MTUS2: variants seen among roughly 807,000 people sequenced by gnomAD.
MTUS2 encodes the protein microtubule associated scaffold protein 2, also known as microtubule-associated tumor suppressor candidate 2.
A neutral mutation model predicts 114.1 loss-of-function variants in MTUS2; 40 were observed. That is an observed-to-expected ratio of 0.35 (90% CI 0.27 to 0.46). The LOEUF (loss-of-function observed/expected upper bound fraction) is 0.46. Among genes scored for constraint, MTUS2 ranks in the 20% least tolerant of loss-of-function variants. MTUS2 has a pLI of 1.00. For missense variants in MTUS2, 1,679 were observed against 1,705.4 expected, an observed-to-expected ratio of 0.98 and a Z score of 0.27; for synonymous variants, 688 against 672.0, an observed-to-expected ratio of 1.02 and a Z score of -0.37.
chr13:28,927,201 G>A (rs925575246), intron 2 of MTUS2, among the ~76,000 whole-genome samples: 1 of 152,178 alleles, frequency 6.6e-6, no homozygotes, highest in Admixed American at 6.5e-5. Flanking sequence ...AGCAGCCTAT[G>A]ACACTTGATT....
chr13:29,006,842 A>G (rs1885623828), intron 2 of MTUS2, among the ~76,000 whole-genome samples: 1 of 152,136 alleles, frequency 6.6e-6, no homozygotes. Flanking sequence ...TGATGCTGCA[A>G]TTTAAAGTAG....
intron 9 of MTUS2, among the ~76,000 whole-genome samples, chr13:29,441,912 A>G (rs916999082): frequency 6.6e-6 from 1 of 151,970 alleles, no homozygotes; most frequent in East Asian, 1.9e-4. Context: ...AATCAAAAAA[A>G]TCCTCACCTG....
At chr13:29,374,546 G>A (rs1871433588) in intron 8 of MTUS2, among the ~76,000 whole-genome samples, 1 of 152,172 alleles carries the variant, frequency 6.6e-6, no homozygotes, top group South Asian at 2.1e-4. Flanking sequence ...CATTTTCAAA[G>A]TAGTGAAACA....
intron 5 of MTUS2, among the ~76,000 whole-genome samples, chr13:29,208,745 G>A (rs962279519): frequency 2.0e-5 from 3 of 152,076 alleles, no homozygotes; most frequent in Middle Eastern, 3.2e-3. Context: ...GGTTTTGAGT[G>A]TTCCTTTTGG....
rs181170186 is a variant in MTUS2, at chr13:29,146,958, G to C, written c.2644+45988G>C. ...ATTGTTGTTGTGGTGTCAATTTTCA[G>C]TCAGGATGAAAGAAACAATGAGATA... On this transcript the variant is annotated intron_variant, in intron 5 of 15. Transcript: ENST00000612955. 9.8e-5 allele frequency among the ~76,000 whole-genome samples: 15 copies of C among 152,302 alleles called. No homozygotes were observed. In the East Asian group the frequency reaches 2.7e-3, roughly 27 times the overall value.
intron 5 of MTUS2, among the ~76,000 whole-genome samples, chr13:29,191,314 TTA>T (rs1555249380): frequency 6.6e-6 from 1 of 151,820 alleles, no homozygotes; most frequent in Non-Finnish European, 1.5e-5. Flanking sequence ...TACCATTTTT[TTA>T]TATATATATA....
chr13:29,026,341 C>T lies in MTUS2; in HGVS notation c.1643C>T (p.Pro548Leu), dbSNP rs201908399. ...PETTVNMTYQ[P>L]TTPSSSFQDV... Reference sequence around the variant, plus strand: ...ACAACTGTGAACATGACCTACCAGCCTACAACACCCAGTAGCAGTTTTCAG... The same window carrying T: ...ACAACTGTGAACATGACCTACCAGCTTACAACACCCAGTAGCAGTTTTCAG... Residue 548 changes from proline to leucine, a missense_variant, in exon 3 of 16, where the codon CCT becomes CTT. Transcript: ENST00000612955. The T allele has an allele frequency of 8.5e-5, 137 of 1,613,998 alleles. No homozygotes were observed. In the African/African-American group the frequency reaches 1.5e-3, roughly 18 times the overall value.
At chr13:29,490,276 A>C (rs1881966753) in intron 11 of MTUS2, among the ~76,000 whole-genome samples, 1 of 152,234 alleles carries the variant, frequency 6.6e-6, no homozygotes, top group Non-Finnish European at 1.5e-5. Flanking sequence ...CCATTAGTTA[A>C]AAGATTTGGG....
chr13:29,353,994 T>C (rs1055765987), intron 7 of MTUS2, among the ~76,000 whole-genome samples: 2 of 152,174 alleles, frequency 1.3e-5, no homozygotes, highest in Non-Finnish European at 2.9e-5. Flanking sequence ...TCCTCTGTGG[T>C]ATCCTACCTT....
At chr13:29,359,196 G>A in intron 7 of MTUS2, 66 bp from the exon 8 acceptor site, 1 of 1,396,754 alleles carries the variant, frequency 7.2e-7, no homozygotes, top group Non-Finnish European at 9.7e-7. Flanking sequence ...GTAATAAGAA[G>A]CCGTTGTCAC....
chr13:28,847,491 A>T (rs1875966118), intron 2 of MTUS2, among the ~76,000 whole-genome samples: 1 of 152,172 alleles, frequency 6.6e-6, no homozygotes, highest in Non-Finnish European at 1.5e-5. Context: ...TCTAGAGGAC[A>T]CTGAGGATAA....
chr13:29,257,243 G>A (rs1369867604), intron 5 of MTUS2, among the ~76,000 whole-genome samples: 1 of 152,064 alleles, frequency 6.6e-6, no homozygotes, highest in Non-Finnish European at 1.5e-5. Flanking sequence ...TTGAAAACTT[G>A]CGGTGGCTTC....
At chr13:29,443,378 T>C (rs56705062) in intron 9 of MTUS2, among the ~76,000 whole-genome samples, 7,320 of 152,308 alleles carry the variant, frequency 0.048, 577 homozygotes, top group African/African-American at 0.17. Flanking sequence ...GCAAGGCTGC[T>C]TCTCTCTGTG....
intron 4 of MTUS2, among the ~76,000 whole-genome samples, chr13:29,078,311 C>T (rs1270314335): frequency 6.6e-6 from 1 of 152,058 alleles, no homozygotes; most frequent in African/African-American, 2.4e-5. Context: ...TTTATTCCAC[C>T]TGCATGAGAG....
intron 5 of MTUS2, among the ~76,000 whole-genome samples, chr13:29,197,546 TA>T (rs1894754401): frequency 3.3e-5 from 5 of 152,176 alleles, no homozygotes; most frequent in Admixed American, 3.3e-4. Flanking sequence ...CATGTATCTT[TA>T]TAGTAGAATG....
chr13:29,039,395 C>T (rs183847634), intron 4 of MTUS2, among the ~76,000 whole-genome samples: 4 of 152,352 alleles, frequency 2.6e-5, no homozygotes, highest in South Asian at 4.1e-4. Context: ...CATCGCGCGC[C>T]GGGCACCCTC....
rs10538350 is a variant in MTUS2, at chr13:29,389,344, C to CGT, written c.3117+29878_3117+29879dup. On this transcript the variant is annotated intron_variant, in intron 8 of 15. Coordinates refer to ENST00000612955, the MANE Select transcript of MTUS2 (RefSeq NM_001033602.4). ...ACATATGTGTGTATATATGTATGCA[C>CGT]GTGTGTGTATATATGTATGCACGTG... Among the ~76,000 whole-genome samples, 379 of 56,002 alleles carry CGT rather than the reference C, an allele frequency of 6.8e-3. 65 individuals carry two copies. The highest frequency in any genetic ancestry group is 7.6e-3 in the Admixed American group (46 of 6,060). The allele number at this position is 56,002 out of a possible 152,430, so 36.7% of individuals were successfully genotyped here.
chr13:28,894,303 A>AGGG (rs1243477585), intron 2 of MTUS2, among the ~76,000 whole-genome samples: 4 of 3,204 alleles, frequency 1.2e-3, no homozygotes, highest in Non-Finnish European at 1.4e-3. Context: ...AGAGAGAGAG[A>AGGG]GGGGGGGGGG....
At chr13:28,945,227 A>G (rs955069377) in intron 2 of MTUS2, among the ~76,000 whole-genome samples, 3 of 151,328 alleles carry the variant, frequency 2.0e-5, no homozygotes, top group African/African-American at 7.3e-5. Flanking sequence ...TCGTCTGCTG[A>G]TGGACACTTA....
Sources: allele counts gnomAD v4.1 joint callset (sites outside exome capture counted in the v4.1 genomes callset), GRCh38; gene constraint gnomAD v4.1.1; transcripts MANE v1.5; gene names NCBI Gene and HGNC (gene_info 2026-07-23, HGNC 2026-07-21).